TMEM131L: variants seen among roughly 807,000 people sequenced by gnomAD.
TMEM131L encodes the protein transmembrane protein 131-like.
TMEM131L carries 54 observed loss-of-function variants against 192.2 expected under a neutral mutation model. The observed-to-expected ratio is 0.28, with a 90% CI of 0.23 to 0.35. The LOEUF (loss-of-function observed/expected upper bound fraction) is 0.35. Among genes scored for constraint, TMEM131L ranks in the 10% least tolerant of loss-of-function variants. The pLI is 1.00. For synonymous variants in TMEM131L, 701 were observed against 704.9 expected (o/e 0.99, Z 0.09); for missense variants, 1,888 against 1,972.9 (o/e 0.96, Z 0.82).
At chr4:153,510,367 C>G (rs1734272370) in intron 3 of TMEM131L, among the ~76,000 whole-genome samples, 1 of 152,118 alleles carries the variant, frequency 6.6e-6, no homozygotes. Flanking sequence ...TAACACTGAC[C>G]GTCCTGAGAA....
chr4:153,591,121 T>G lies in TMEM131L; in HGVS notation c.1739T>G (p.Phe580Cys), dbSNP rs1317502424. Reference sequence around the variant, plus strand: ...TCCAAGGAGTCAGAGTCCTTTGTTTTCTTTTTGCCTCGTTTGATCGCAGAG... The same window carrying G: ...TCCAAGGAGTCAGAGTCCTTTGTTTGCTTTTTGCCTCGTTTGATCGCAGAG... ...KKSKESESFVFFLPRLIAEPG... is the reference protein window; with the variant it reads ...KKSKESESFVCFLPRLIAEPG... The change falls in exon 17 of 35, where the codon TTC (phenylalanine) becomes TGC (cysteine). Residue 580 changes from phenylalanine (F) to cysteine (C), a missense_variant. Transcript: ENST00000409959. 6.2e-7 allele frequency: 1 copy of G among 1,611,898 alleles called. No individual in the cohort carries two copies. Among genetic ancestry groups the G allele is most frequent in the Admixed American group, 1.7e-5 (1 of 59,874 alleles).
intron 3 of TMEM131L, among the ~76,000 whole-genome samples, chr4:153,532,411 G>A (rs1291470761): frequency 1.3e-5 from 2 of 151,666 alleles, no homozygotes; most frequent in South Asian, 2.1e-4. Flanking sequence ...TAGGAGTCTG[G>A]CGTGTGTGCT....
At chr4:153,538,959 C>T (rs62324752) in intron 3 of TMEM131L, among the ~76,000 whole-genome samples, 25,826 of 152,072 alleles carry the variant, frequency 0.17, 2,350 homozygotes, top group Middle Eastern at 0.21. Context: ...AACTTAGTCC[C>T]GTGGCCGTAC....
intron 2 of TMEM131L, 61 bp downstream of exon 2, chr4:153,467,342 C>T: frequency 1.5e-6 from 2 of 1,375,456 alleles, no homozygotes; most frequent in Non-Finnish European, 1.0e-6. Context: ...GCGGGGAGGC[C>T]CCCGGTCCTC....
rs1737878495 is a variant in TMEM131L at position 153,554,862 on chromosome 4, CAGGTAGGTGGGCCTG to C, written c.309-922_309-908del. ...TTAGAGGGAGCATTGTAGGTGGCTC[CAGGTAGGTGGGCCTG>C]AGCCCAGCTCCTTTCCTCTTGGCAA... On this transcript the variant is annotated intron_variant, in intron 4 of 34. Coordinates refer to ENST00000409959, the MANE Select transcript of TMEM131L (RefSeq NM_001131007.2). Among the ~76,000 whole-genome samples, 9 of 152,330 alleles carry C rather than the reference CAGGTAGGTGGGCCTG, an allele frequency of 5.9e-5. 1 individual carries two copies. The South Asian group carries it at 1.9e-3, about 32-fold the overall frequency.
chr4:153,558,199 TA>T, intron 6 of TMEM131L, 58 bp from the exon 7 acceptor site: 1 of 887,704 alleles, frequency 1.1e-6, no homozygotes, highest in Non-Finnish European at 1.9e-6. Context: ...GCTTTAGCAT[TA>T]TGGCAAATGT....
chr4:153,482,702 C>G (rs1030157309), intron 3 of TMEM131L, among the ~76,000 whole-genome samples: 1 of 152,188 alleles, frequency 6.6e-6, no homozygotes, highest in African/African-American at 2.4e-5. Flanking sequence ...AGCAGTCCTT[C>G]CGCCTCAGCC....
At chr4:153,472,436 T>C (rs1205908751) in intron 2 of TMEM131L, among the ~76,000 whole-genome samples, 1 of 152,142 alleles carries the variant, frequency 6.6e-6, no homozygotes, top group East Asian at 1.9e-4. Flanking sequence ...TATCCACATG[T>C]AGTTAAGAAA....
intron 3 of TMEM131L, among the ~76,000 whole-genome samples, chr4:153,515,541 T>C (rs571813101): frequency 6.6e-6 from 1 of 152,372 alleles, no homozygotes; most frequent in African/African-American, 2.4e-5. Flanking sequence ...TGAACATTTG[T>C]GTGCAAGTGT....
intron 3 of TMEM131L, among the ~76,000 whole-genome samples, chr4:153,538,178 C>T (rs888233453): frequency 2.6e-5 from 4 of 152,162 alleles, no homozygotes; most frequent in Non-Finnish European, 4.4e-5. Context: ...TGACTATGCT[C>T]CTTCCAGGAC....
intron 25 of TMEM131L, among the ~76,000 whole-genome samples, chr4:153,608,385 T>C (rs548318224): frequency 2.0e-4 from 31 of 152,342 alleles, no homozygotes; most frequent in African/African-American, 7.2e-4. Context: ...TGGGGCTTTA[T>C]GTGTAATGTA....
intron 6 of TMEM131L, among the ~76,000 whole-genome samples, chr4:153,557,579 C>T (rs1471446358): frequency 2.0e-5 from 3 of 152,110 alleles, no homozygotes; most frequent in African/African-American, 4.8e-5. Flanking sequence ...AATCTTGTTG[C>T]TATTCTCAGA....
intron 3 of TMEM131L, among the ~76,000 whole-genome samples, chr4:153,527,061 A>C (rs1460773078): frequency 1.3e-5 from 2 of 151,990 alleles, no homozygotes; most frequent in Non-Finnish European, 2.9e-5. Flanking sequence ...AAGACTGAAG[A>C]TCCCTTTTTA....
chr4:153,470,557 C>T (rs919177757), intron 2 of TMEM131L, among the ~76,000 whole-genome samples: 2 of 152,196 alleles, frequency 1.3e-5, no homozygotes, highest in Non-Finnish European at 2.9e-5. Flanking sequence ...TTTATTCTTA[C>T]ATTTACAGAA....
chr4:153,564,383 A>G lies in TMEM131L; in HGVS notation c.660+6015A>G, dbSNP rs550172405. Among the ~76,000 whole-genome samples the G allele has an allele frequency of 2.0e-5, 3 of 150,836 alleles. No homozygotes were observed. In the East Asian group the frequency reaches 5.9e-4, roughly 29 times the overall value. On this transcript the variant is annotated intron_variant, in intron 7 of 34. Coordinates refer to ENST00000409959, the MANE Select transcript of TMEM131L (RefSeq NM_001131007.2). ...AGATGGCACATAGCAGGTGCCATCT[A>G]GGAGGAACCAGCCCTCACTAGAATC...
intron 3 of TMEM131L, among the ~76,000 whole-genome samples, chr4:153,523,597 A>C (rs1019049054): frequency 1.8e-4 from 28 of 152,334 alleles, no homozygotes; most frequent in African/African-American, 6.3e-4. Flanking sequence ...ACATTTGCAG[A>C]GCTGGTCGGC....
At chr4:153,604,510 C>A in intron 25 of TMEM131L, 80 bp downstream of exon 25, 1 of 1,358,540 alleles carries the variant, frequency 7.4e-7, no homozygotes, top group South Asian at 1.4e-5. Flanking sequence ...CACCTGTGAC[C>A]GTTAGTTTTA....
chr4:153,515,648 G>A (rs1734677781), intron 3 of TMEM131L, among the ~76,000 whole-genome samples: 1 of 152,154 alleles, frequency 6.6e-6, no homozygotes, highest in Admixed American at 6.5e-5. Flanking sequence ...TTGAGGAACT[G>A]CCAAATTGTT....
At chr4:153,490,227 G>A (rs572660975) in intron 3 of TMEM131L, among the ~76,000 whole-genome samples, 3 of 152,130 alleles carry the variant, frequency 2.0e-5, no homozygotes, top group Admixed American at 1.3e-4. Context: ...TCCAAATTGC[G>A]TGTTAGTTTG....
Sources: gnomAD v4.1 joint callset for allele counts (sites outside exome capture counted in the v4.1 genomes callset) on GRCh38, gnomAD v4.1.1 for gene constraint, MANE v1.5 for transcripts, NCBI Gene and HGNC (gene_info 2026-07-23, HGNC 2026-07-21) for gene names.